Variants in TRPV3 observed in about 807,000 individuals in gnomAD.
The protein encoded by TRPV3 is transient receptor potential cation channel subfamily V member 3.
A neutral mutation model predicts 87.1 loss-of-function variants in TRPV3; 88 were observed. The observed-to-expected ratio is 1.01, with a 90% CI of 0.85 to 1.21. TRPV3 has a LOEUF of 1.21. TRPV3 is among the 50% of genes most tolerant of loss of function. TRPV3 has a pLI of 0.00. For synonymous variants in TRPV3, 438 were observed against 423.3 expected, an observed-to-expected ratio of 1.03 and a Z score of -0.43; for missense variants, 1,054 against 1,030.1, an observed-to-expected ratio of 1.02 and a Z score of -0.32.
At chr17:3,544,800 C>T (rs1020160070) in intron 3 of TRPV3, 135 bp from the exon 4 acceptor site, 12 of 655,488 alleles carry the variant, frequency 1.8e-5, no homozygotes, top group South Asian at 1.1e-4. Flanking sequence ...AGTTCGAGAC[C>T]AGCCTGGCCA....
chr17:3,529,023 T>C, intron 9 of TRPV3, 28 bp from the exon 10 acceptor site: 1 of 1,613,806 alleles, frequency 6.2e-7, no homozygotes, highest in East Asian at 2.2e-5. Flanking sequence ...CCAGTCACCA[T>C]GGAGATGAGG....
rs116838796 is a variant in TRPV3 at position 3,530,135 on chromosome 17, G to A, written c.1134C>T (p.Thr378=). Residue 378 remains threonine, a synonymous_variant, in exon 9 of 18, where the codon ACC becomes ACT. Coordinates refer to ENST00000576742, the MANE Select transcript of TRPV3 (RefSeq NM_145068.4). The surrounding 1 kb of genome is among the most constrained non-coding windows in gnomAD (Gnocchi z 4.0). ...KRLRSLSRKF[T]DWAYGPVSSS... is the part of the protein sequence containing the mutation. The stretch of plus-strand genomic sequence containing the variant: ...ATGACACGGGTCCGTACGCCCAGTC[G>A]GTGAACTTCCTGGACAGGCTCCGGA... 1.2e-4 allele frequency: 188 copies of A among 1,614,090 alleles called. No homozygotes were observed. The highest frequency in any genetic ancestry group is 2.0e-4 in the East Asian group (9 of 44,866).
rs1555545584 is a variant in TRPV3, at chr17:3,540,092, T to TAAATAAAC, written c.643+2429_643+2430insGTTTATTT. Among the ~76,000 whole-genome samples, 345 of 150,870 alleles carry TAAATAAAC rather than the reference T, an allele frequency of 2.3e-3. 3 individuals are homozygous for TAAATAAAC. The highest frequency in any genetic ancestry group is 9.8e-3 in the East Asian group (51 of 5,178). On this transcript the variant is annotated intron_variant, in intron 6 of 17. Coordinates refer to ENST00000576742, the MANE Select transcript of TRPV3 (RefSeq NM_145068.4). Reference sequence around the variant, plus strand: ...ATAAATAAATAAATAAATAAATAAATAAACAAAGTCATTGCTCTAAATAAG... The same window carrying TAAATAAAC: ...ATAAATAAATAAATAAATAAATAAATAAATAAACAAACAAAGTCATTGCTCTAAATAAG...
At chr17:3,537,123 T>C (rs1165241226) in intron 6 of TRPV3, among the ~76,000 whole-genome samples, 1 of 152,180 alleles carries the variant, frequency 6.6e-6, no homozygotes, top group East Asian at 1.9e-4. Flanking sequence ...TTTGGTTTTT[T>C]GTTTGTTTGT....
At position 3,518,776 on chromosome 17, in the gene TRPV3, C is replaced by A. The variant is rs2074206615; in HGVS notation, c.1885G>T (p.Val629Leu). ...ATGGTGAGCTTGAAGAGTTCCAGCA[C>A]TGCGTCGCTGAAGCTGCCGTAGGAG... The part of the protein sequence containing the change: ...CSSYGSFSDA[V>L]LELFKLTIGL... The change falls in exon 15 of 18, where the codon GTG becomes TTG. Residue 629 changes from valine (V) to leucine (L), a missense_variant. Physicochemically the swap from Val to Leu is conservative, Grantham distance 32. Transcript: ENST00000576742. The surrounding 1 kb of genome is among the most constrained non-coding windows in gnomAD (Gnocchi z 4.3). 1 of 1,614,124 alleles carries A rather than the reference C, an allele frequency of 6.2e-7. No individual in the cohort carries two copies. Among genetic ancestry groups the A allele is most frequent in the Non-Finnish European group, 8.5e-7 (1 of 1,179,988 alleles).
In TRPV3 at chr17:3,513,792, G is replaced by C. The variant is rs1422202678; in HGVS notation, c.*125C>G. 20 of 767,324 alleles carry C rather than the reference G, an allele frequency of 2.6e-5. No homozygotes were observed. Among genetic ancestry groups the C allele is most frequent in the Non-Finnish European group, 3.7e-5 (17 of 453,574 alleles). The allele number at this position is 767,324 out of a possible 1,614,324, so 47.5% of individuals were successfully genotyped here. A position where few individuals can be genotyped will look rare whatever the true frequency, so the allele number is the denominator to read the frequency against. On this transcript the variant is annotated 3_prime_UTR_variant, in exon 18 of 18. Coordinates refer to ENST00000576742, the MANE Select transcript of TRPV3 (RefSeq NM_145068.4). ...CACCCACTGAGCACTGAGCACGAGG[G>C]TGCACTCTGCTTCTAGGCCAGCAGA...
In TRPV3 at chr17:3,528,993, G is replaced by A. The variant is rs1452838353; in HGVS notation, c.1245C>T (p.Asn415=). The change falls in exon 10 of 18, where the codon AAC becomes AAT. Residue 415 remains asparagine, a splice_region_variant and synonymous_variant. Coordinates refer to ENST00000576742, the MANE Select transcript of TRPV3 (RefSeq NM_145068.4). The surrounding 1 kb of genome is among the most constrained non-coding windows in gnomAD (Gnocchi z 4.2). The stretch of plus-strand genomic sequence containing the variant: ...GCTCCAGGGTCAGCATCTCATGCCG[G>A]TTCTAGGGGTAGAATGCCACCAGTC... The part of the protein sequence containing the change: ...EITVYNTNID[N]RHEMLTLEPL... The A allele has an allele frequency of 6.2e-7, 1 of 1,614,178 alleles. No individual in the cohort carries two copies. Among genetic ancestry groups the A allele is most frequent in the Non-Finnish European group, 8.5e-7 (1 of 1,180,016 alleles).
rs376379264 is a variant in TRPV3, at chr17:3,543,497, C to T, written c.443G>A (p.Arg148Gln). The change falls in exon 5 of 18, where the codon CGG becomes CAG. Residue 148 changes from arginine to glutamine, a missense_variant. Coordinates refer to ENST00000576742, the MANE Select transcript of TRPV3 (RefSeq NM_145068.4). ...ACCAGGCACATCCTCATCATGGCGCCGCCTGCAAAGCTCCTGCAGCTCCAC... is the reference window on the plus strand; with the variant it reads ...ACCAGGCACATCCTCATCATGGCGCTGCCTGCAAAGCTCCTGCAGCTCCAC... ...LLVELQELCR[R>Q]RHDEDVPDFL... 60 of 1,613,518 alleles carry T rather than the reference C, an allele frequency of 3.7e-5. 1 individual carries two copies. In the East Asian group the frequency reaches 8.9e-4, roughly 24 times the overall value.
chr17:3,513,330 G>A lies in TRPV3; in HGVS notation c.*587C>T, dbSNP rs1471772697. Reference sequence around the variant, plus strand: ...GGGTGTCAGGGGACGTTCACTCCAAGGATGGTCTCCTTTTCCCCGAAGGGT... The same window carrying A: ...GGGTGTCAGGGGACGTTCACTCCAAAGATGGTCTCCTTTTCCCCGAAGGGT... On this transcript the variant is annotated 3_prime_UTR_variant, in exon 18 of 18. Transcript: ENST00000576742. 1 of 152,790 alleles carries A rather than the reference G, an allele frequency of 6.5e-6. No individual in the cohort carries two copies. The highest frequency in any genetic ancestry group is 6.5e-5 in the Admixed American group (1 of 15,288). The allele number at this position is 152,790 out of a possible 1,614,324, so 9.5% of individuals were successfully genotyped here.
chr17:3,527,892 C>T, intron 11 of TRPV3, 133 bp downstream of exon 11: 1 of 698,954 alleles, frequency 1.4e-6, no homozygotes, highest in Non-Finnish European at 2.5e-6. Flanking sequence ...CATGTTATAA[C>T]TCAGAAAGGT....
At position 3,557,479 on chromosome 17, in the gene TRPV3, T is replaced by C. The variant is rs558445248; in HGVS notation, c.-3+197A>G. ...AAGGACCTATATTCTCACACATCCCTACAGCCAAGAGTGCAGCCAAGAGTG... is the reference window on the plus strand; with the variant it reads ...AAGGACCTATATTCTCACACATCCCCACAGCCAAGAGTGCAGCCAAGAGTG... On this transcript the variant is annotated intron_variant, in intron 1 of 17. Coordinates refer to ENST00000576742, the MANE Select transcript of TRPV3 (RefSeq NM_145068.4). This position sits in a 1 kb window ranked among gnomAD's most constrained non-coding sequence, Gnocchi z 4.5. Among the ~76,000 whole-genome samples the C allele has an allele frequency of 2.0e-4, 30 of 152,172 alleles. No individual in the cohort carries two copies. Among genetic ancestry groups the C allele is most frequent in the Admixed American group, 4.6e-4 (7 of 15,290 alleles).
chr17:3,531,515 G>A (rs540426060), intron 8 of TRPV3, among the ~76,000 whole-genome samples: 14 of 152,326 alleles, frequency 9.2e-5, no homozygotes, highest in African/African-American at 2.9e-4. Context: ...GGAGGGAAGC[G>A]GGAGACAGGT....
At chr17:3,520,832 G>A in intron 14 of TRPV3, 141 bp downstream of exon 14, 1 of 463,808 alleles carries the variant, frequency 2.2e-6, no homozygotes, top group Non-Finnish European at 4.0e-6. Context: ...TAAAGGTAAT[G>A]CTTGGAAAAT....
Position 3,513,977 on chromosome 17 carries a change from G to A in TRPV3, c.2313C>T (p.Asn771=). The change falls in exon 18 of 18, where the codon AAC becomes AAT. Residue 771 remains asparagine (N), a synonymous_variant. Transcript: ENST00000576742. ...FNKIQDSSRN[N]SKTTLNAFEE... is the part of the protein sequence containing the mutation. ...CAAATGCATTGAGAGTGGTTTTGCT[G>A]TTGTTCCTGGAAGAATCTTGGATTT... 2 of 1,614,072 alleles carry A rather than the reference G, an allele frequency of 1.2e-6. No individual in the cohort carries two copies. Among genetic ancestry groups the A allele is most frequent in the Non-Finnish European group, 1.7e-6 (2 of 1,179,948 alleles).
Position 3,528,275 on chromosome 17 carries a change from A to G in TRPV3, c.1402-149T>C. ...ATCTCTGTACAGGGCAAGAGAAGGA[A>G]GAGCAGCTCCCTGACCCCAACTCTC... On this transcript the variant is annotated intron_variant, in intron 10 of 17. Transcript: ENST00000576742. The surrounding 1 kb of genome is among the most constrained non-coding windows in gnomAD (Gnocchi z 4.2). 1.6e-6 allele frequency: 1 copy of G among 611,184 alleles called. No homozygotes were observed. The highest frequency in any genetic ancestry group is 2.8e-6 in the Non-Finnish European group (1 of 351,816). 37.9% of individuals were successfully genotyped at this position (611,184 alleles called of 1,614,324 possible). A position where few individuals can be genotyped will look rare whatever the true frequency, so the allele number is the denominator to read the frequency against.
rs2074117254 is a variant in TRPV3, at chr17:3,511,808, T to C, written c.*2109A>G. The C allele has an allele frequency of 6.6e-6, 1 of 152,204 alleles. No homozygotes were observed. Among genetic ancestry groups the C allele is most frequent in the South Asian group, 2.1e-4 (1 of 4,830 alleles). 9.4% of individuals were successfully genotyped at this position (152,204 alleles called of 1,614,324 possible). A position where few individuals can be genotyped will look rare whatever the true frequency, so the allele number is the denominator to read the frequency against. On this transcript the variant is annotated 3_prime_UTR_variant, in exon 18 of 18. Coordinates refer to ENST00000576742, the MANE Select transcript of TRPV3 (RefSeq NM_145068.4). ...GTCAAAGCAACTCTGGATACGGCTTTATCCATAACAGATACGGCTTTATCC... is the reference window on the plus strand; with the variant it reads ...GTCAAAGCAACTCTGGATACGGCTTCATCCATAACAGATACGGCTTTATCC...
Position 3,528,121 on chromosome 17 carries a change from G to A in TRPV3, c.1407C>T (p.Ile469=), listed in dbSNP as rs778471883. The change falls in exon 11 of 18, where the codon ATC becomes ATT. Residue 469 remains isoleucine (I), a synonymous_variant. Coordinates refer to ENST00000576742, the MANE Select transcript of TRPV3 (RefSeq NM_145068.4). This position sits in a 1 kb window ranked among gnomAD's most constrained non-coding sequence, Gnocchi z 4.2. The stretch of plus-strand genomic sequence containing the variant: ...TGTGCGTCAGGGCCAAGGGGTGCGG[G>A]ATGGCCTGCAGGGAAAGAAGAGGGG... ...SYYRPREEEA[I]PHPLALTHKM... The A allele has an allele frequency of 1.9e-6, 3 of 1,612,332 alleles. No individual in the cohort carries two copies. Among genetic ancestry groups the A allele is most frequent in the Admixed American group, 1.7e-5 (1 of 59,886 alleles).
chr17:3,514,376 G>A (rs1400958600), intron 17 of TRPV3: 10 of 578,208 alleles, frequency 1.7e-5, no homozygotes, highest in Admixed American at 3.1e-5. Flanking sequence ...ACCGCGCCCG[G>A]CCTGCATGAT....
Position 3,513,482 on chromosome 17 carries a change from A to G in TRPV3, c.*435T>C, listed in dbSNP as rs2074141063. 6.2e-6 allele frequency: 1 copy of G among 162,496 alleles called. No homozygotes were observed. Among genetic ancestry groups the G allele is most frequent in the Non-Finnish European group, 1.4e-5 (1 of 73,804 alleles). The allele number at this position is 162,496 out of a possible 1,614,324, so 10.1% of individuals were successfully genotyped here. A position where few individuals can be genotyped will look rare whatever the true frequency, so the allele number is the denominator to read the frequency against. On this transcript the variant is annotated 3_prime_UTR_variant, in exon 18 of 18. Transcript: ENST00000576742. ...AATTCAGGCAACCCAGTCACAGCAGAAGAGATGGTACAATGTGTGGGCTGG... is the reference window on the plus strand; with the variant it reads ...AATTCAGGCAACCCAGTCACAGCAGGAGAGATGGTACAATGTGTGGGCTGG...
Sources: allele counts gnomAD v4.1 joint callset (sites outside exome capture counted in the v4.1 genomes callset), GRCh38; gene constraint gnomAD v4.1.1; non-coding constraint Gnocchi (gnomAD v3.1); transcripts MANE v1.5; gene names NCBI Gene and HGNC (gene_info 2026-07-23, HGNC 2026-07-21).